Variants in CACNG4 observed in about 807,000 individuals in gnomAD.
The protein encoded by CACNG4 is voltage-dependent calcium channel gamma-4 subunit.
CACNG4 carries 8 observed loss-of-function variants against 22.9 expected under a neutral mutation model. That is an observed-to-expected ratio of 0.35 (90% CI 0.21 to 0.63). The LOEUF (loss-of-function observed/expected upper bound fraction) is 0.63, where lower values mean the gene tolerates loss of function less well. CACNG4 is among the 30% of genes least tolerant of loss of function. The probability of loss-of-function intolerance (pLI) is 0.72; values close to 1 mark genes in which losing one functional copy is unlikely to be tolerated. For missense variants in CACNG4, 357 were observed against 455.4 expected, an observed-to-expected ratio of 0.78 and a Z score of 1.97; for synonymous variants, 188 against 191.9, an observed-to-expected ratio of 0.98 and a Z score of 0.17.
intron 1 of CACNG4, among the ~76,000 whole-genome samples, chr17:66,981,323 T>C (rs912056794): frequency 1.3e-5 from 2 of 152,236 alleles, no homozygotes; most frequent in South Asian, 2.1e-4. Context: ...CCTTCAGTAG[T>C]AATGTCTGTT....
At chr17:66,968,449 CT>C (rs942014928) in intron 1 of CACNG4, among the ~76,000 whole-genome samples, 1 of 138,846 alleles carries the variant, frequency 7.2e-6, no homozygotes, top group African/African-American at 2.7e-5. Context: ...CCCTCCTCCC[CT>C]CTCTTCTTCT....
intron 1 of CACNG4, among the ~76,000 whole-genome samples, chr17:66,981,386 G>A (rs1217195771): frequency 6.6e-6 from 1 of 152,050 alleles, no homozygotes; most frequent in Non-Finnish European, 1.5e-5. Context: ...AATCATCTTC[G>A]ACCCTTAATA....
intron 1 of CACNG4, among the ~76,000 whole-genome samples, chr17:66,990,597 G>A (rs911365565): frequency 6.6e-6 from 1 of 152,112 alleles, no homozygotes; most frequent in African/African-American, 2.4e-5. Flanking sequence ...ACTAGGGGTG[G>A]AGAGTTGATC....
At chr17:66,988,077 A>G (rs1191992133) in intron 1 of CACNG4, among the ~76,000 whole-genome samples, 1 of 151,670 alleles carries the variant, frequency 6.6e-6, no homozygotes, top group Non-Finnish European at 1.5e-5. Flanking sequence ...ACACACACAC[A>G]CACACATGCA....
rs1399063975 is a variant in CACNG4, at chr17:67,031,858, C to G, written c.*854C>G. ...TCATAGACCCAAGGAGCAACTCTGTCCCCTGAGCGTTGGGGGTCCCGGGGG... is the reference window on the plus strand; with the variant it reads ...TCATAGACCCAAGGAGCAACTCTGTGCCCTGAGCGTTGGGGGTCCCGGGGG... On this transcript the variant is annotated 3_prime_UTR_variant, in exon 4 of 4. Transcript: ENST00000262138. The surrounding 1 kb of genome is among the most constrained non-coding windows in gnomAD (Gnocchi z 4.0). 8.8e-6 allele frequency: 4 copies of G among 456,562 alleles called. No homozygotes were observed. In the East Asian group the frequency reaches 2.8e-4, roughly 32 times the overall value. The allele number at this position is 456,562 out of a possible 1,614,324, so 28.3% of individuals were successfully genotyped here.
intron 1 of CACNG4, among the ~76,000 whole-genome samples, chr17:67,016,603 CAG>C (rs1390485685): frequency 6.6e-6 from 1 of 152,176 alleles, no homozygotes; most frequent in East Asian, 1.9e-4. Context: ...ACTGAGGCAA[CAG>C]GGGGCGCTTG....
At position 67,000,894 on chromosome 17, in the gene CACNG4, G is replaced by A. The variant is rs1406347091; in HGVS notation, c.221-17295G>A. Among the ~76,000 whole-genome samples the A allele has an allele frequency of 2.0e-5, 3 of 152,084 alleles. No individual in the cohort carries two copies. The South Asian group carries it at 6.2e-4, about 32-fold the overall frequency. ...TGCCTCCACTCTGTCCTCCATCCTG[G>A]AGGAGAACAGACCTTCCTAAAAAGC... On this transcript the variant is annotated intron_variant, in intron 1 of 3. Coordinates refer to ENST00000262138, the MANE Select transcript of CACNG4 (RefSeq NM_014405.4).
chr17:67,024,827 C>T (rs201577035), intron 2 of CACNG4, 33 bp from the exon 3 acceptor site: 2 of 1,498,748 alleles, frequency 1.3e-6, no homozygotes, highest in East Asian at 2.5e-5. Context: ...ATCTCACTGC[C>T]CTCTGCTTTG....
chr17:67,025,823 T>A (rs966813666), intron 3 of CACNG4, among the ~76,000 whole-genome samples: 1 of 152,218 alleles, frequency 6.6e-6, no homozygotes, highest in African/African-American at 2.4e-5. Flanking sequence ...TCCGTTCACA[T>A]CCTGGGACCC....
In CACNG4 at chr17:66,999,254, C is replaced by T. The variant is rs1201615061; in HGVS notation, c.221-18935C>T. Among the ~76,000 whole-genome samples the T allele has an allele frequency of 2.7e-5, 4 of 150,066 alleles. No individual in the cohort carries two copies. In the East Asian group the frequency reaches 7.9e-4, roughly 30 times the overall value. On this transcript the variant is annotated intron_variant, in intron 1 of 3. Transcript: ENST00000262138. ...CCTCAACAAGTATTAGCTGCTATTA[C>T]TGTAATAGTTGGCAGTAGAGTTGGT...
chr17:67,031,713 T>A lies in CACNG4; in HGVS notation c.*709T>A. ...GCTGTTGCTGGCTATCCTCTTTGCT[T>A]CTGGAAGTTTCTGCCTCACTCAGAA... On this transcript the variant is annotated 3_prime_UTR_variant, in exon 4 of 4. Coordinates refer to ENST00000262138, the MANE Select transcript of CACNG4 (RefSeq NM_014405.4). The surrounding 1 kb of genome is among the most constrained non-coding windows in gnomAD (Gnocchi z 4.0). 2.2e-6 allele frequency: 1 copy of A among 456,730 alleles called. No individual in the cohort carries two copies. Among genetic ancestry groups the A allele is most frequent in the Non-Finnish European group, 4.4e-6 (1 of 226,978 alleles). The allele number at this position is 456,730 out of a possible 1,614,324, so 28.3% of individuals were successfully genotyped here. A position where few individuals can be genotyped will look rare whatever the true frequency, so the allele number is the denominator to read the frequency against.
chr17:66,968,055 G>A (rs898083799), intron 1 of CACNG4, among the ~76,000 whole-genome samples: 8 of 152,194 alleles, frequency 5.3e-5, no homozygotes, highest in African/African-American at 1.9e-4. Flanking sequence ...CGCGTGGCCT[G>A]CCCATGACAG....
At chr17:66,987,550 A>G (rs146380724) in intron 1 of CACNG4, among the ~76,000 whole-genome samples, 1 of 152,324 alleles carries the variant, frequency 6.6e-6, no homozygotes, top group African/African-American at 2.4e-5. Context: ...GAGAAGCCAA[A>G]CAGGAGAAGC....
chr17:67,017,907 C>G (rs1332721678), intron 1 of CACNG4, among the ~76,000 whole-genome samples: 3 of 152,188 alleles, frequency 2.0e-5, no homozygotes, highest in East Asian at 3.9e-4. Flanking sequence ...CATGGCACCT[C>G]TTGTCTCAAT....
chr17:66,980,620 C>CTTTTTTTTTTTTTT lies in CACNG4; in HGVS notation c.220+15496_220+15509dup, dbSNP rs67051865. ...ATTGACAATTCCCTTTGTGTAAATT[C>CTTTTTTTTTTTTTT]TTTTTTTTTTTTTTTTTTTTGAGAC... is the stretch of plus-strand genomic sequence containing the variant. On this transcript the variant is annotated intron_variant, in intron 1 of 3. Transcript: ENST00000262138. 2.6e-4 allele frequency among the ~76,000 whole-genome samples: 28 copies of CTTTTTTTTTTTTTT among 106,990 alleles called. 1 individual carries two copies. The highest frequency in any genetic ancestry group is 8.8e-4 in the African/African-American group (22 of 25,134). 70.2% of individuals were successfully genotyped at this position (106,990 alleles called of 152,430 possible).
chr17:67,022,507 C>T (rs557100462), intron 2 of CACNG4, among the ~76,000 whole-genome samples: 4 of 152,338 alleles, frequency 2.6e-5, no homozygotes, highest in East Asian at 3.9e-4. Flanking sequence ...AGAGAGGAAT[C>T]GGAGAGGAGG....
chr17:67,011,048 A>C (rs563485301), intron 1 of CACNG4, among the ~76,000 whole-genome samples: 2 of 152,312 alleles, frequency 1.3e-5, no homozygotes, highest in East Asian at 3.9e-4. Flanking sequence ...TGGCCACTTT[A>C]AATTATGGTA....
intron 1 of CACNG4, among the ~76,000 whole-genome samples, chr17:67,007,978 T>C (rs1437323685): frequency 6.6e-6 from 1 of 152,100 alleles, no homozygotes; most frequent in Non-Finnish European, 1.5e-5. Context: ...TCACATTCCA[T>C]TGGACAACTG....
chr17:66,985,291 G>A (rs2035298826), intron 1 of CACNG4, among the ~76,000 whole-genome samples: 1 of 152,180 alleles, frequency 6.6e-6, no homozygotes, highest in Non-Finnish European at 1.5e-5. Flanking sequence ...CATTCATTCA[G>A]CAAATATTAA....
Sources: gnomAD v4.1 joint callset for allele counts (sites outside exome capture counted in the v4.1 genomes callset) on GRCh38, gnomAD v4.1.1 for gene constraint, Gnocchi (gnomAD v3.1) non-coding constraint, MANE v1.5 for transcripts, NCBI Gene and HGNC (gene_info 2026-07-23, HGNC 2026-07-21) for gene names.